The following SPOCK1 variants were observed in gnomAD, a reference collection of about 807,000 sequenced individuals.
SPOCK1 encodes testican-1.
A neutral mutation model predicts 55.3 loss-of-function variants in SPOCK1; 23 were observed. The ratio of observed to expected loss-of-function variants is 0.42; its 90% CI spans 0.30 to 0.59. SPOCK1 has a LOEUF of 0.59. Ranked by LOEUF, SPOCK1 falls within the 20% of genes least tolerant of loss-of-function variation. The probability of loss-of-function intolerance (pLI) is 0.22; values close to 1 mark genes in which losing one functional copy is unlikely to be tolerated. For synonymous variants in SPOCK1, 226 were observed against 221.0 expected (o/e 1.02, Z -0.20); for missense variants, 499 against 552.5 (o/e 0.90, Z 0.97).
chr5:137,474,133 G>A (rs756201296), intron 2 of SPOCK1, among the ~76,000 whole-genome samples: 11 of 151,964 alleles, frequency 7.2e-5, no homozygotes, highest in South Asian at 2.1e-4. Flanking sequence ...CTATGTATAC[G>A]GTGCAGCGTA....
At chr5:137,424,401 A>C (rs562500917) in intron 2 of SPOCK1, among the ~76,000 whole-genome samples, 1 of 152,170 alleles carries the variant, frequency 6.6e-6, no homozygotes, top group South Asian at 2.1e-4. Context: ...CAAAAATTCA[A>C]CTGACCATAT....
intron 3 of SPOCK1, among the ~76,000 whole-genome samples, chr5:137,182,265 A>C (rs1209071003): frequency 6.6e-6 from 1 of 152,166 alleles, no homozygotes; most frequent in African/African-American, 2.4e-5. Context: ...ATGAACTGCC[A>C]GTAGCTTCCC....
chr5:137,001,943 G>A (rs79239931), intron 6 of SPOCK1, among the ~76,000 whole-genome samples: 1 of 152,164 alleles, frequency 6.6e-6, no homozygotes, highest in Non-Finnish European at 1.5e-5. Flanking sequence ...TTTGAGCCAG[G>A]TTATGCCTGC....
At chr5:137,271,915 T>C (rs1756972306) in intron 2 of SPOCK1, among the ~76,000 whole-genome samples, 1 of 152,234 alleles carries the variant, frequency 6.6e-6, no homozygotes, top group South Asian at 2.1e-4. Flanking sequence ...ATCTGATGAT[T>C]ACCTGAGATA....
At chr5:137,438,287 G>C (rs1752906664) in intron 2 of SPOCK1, among the ~76,000 whole-genome samples, 1 of 152,012 alleles carries the variant, frequency 6.6e-6, no homozygotes, top group South Asian at 2.1e-4. Flanking sequence ...GGGAGTAGAT[G>C]AGTTCAAGAT....
chr5:137,471,908 CCTGAGGG>C (rs1287237824), intron 2 of SPOCK1, among the ~76,000 whole-genome samples: 1 of 152,118 alleles, frequency 6.6e-6, no homozygotes, highest in African/African-American at 2.4e-5. Flanking sequence ...GCCCATGGGA[CCTGAGGG>C]CATGGGAAAT....
In SPOCK1 at chr5:137,207,300, G is replaced by A. The variant is rs552625362; in HGVS notation, c.232+59710C>T. Among the ~76,000 whole-genome samples the A allele has an allele frequency of 3.9e-5, 6 of 152,360 alleles. No individual in the cohort carries two copies. The South Asian group carries it at 1.2e-3, about 32-fold the overall frequency. ...GGCCTGGAACAGGCCCACCAGCAGG[G>A]AGCCTTTTCAGTGGGGGGCTGTTCT... On this transcript the variant is annotated intron_variant, in intron 3 of 10. Coordinates refer to ENST00000394945, the MANE Select transcript of SPOCK1 (RefSeq NM_004598.4).
intron 2 of SPOCK1, among the ~76,000 whole-genome samples, chr5:137,274,989 AAATT>A (rs2127121686): frequency 6.6e-6 from 1 of 152,360 alleles, no homozygotes; most frequent in Admixed American, 6.5e-5. Flanking sequence ...AATTGTAAAC[AAATT>A]AATTAAAGTT....
chr5:137,039,695 C>T (rs1434834047), intron 6 of SPOCK1, among the ~76,000 whole-genome samples: 1 of 152,182 alleles, frequency 6.6e-6, no homozygotes, highest in Middle Eastern at 3.2e-3. Flanking sequence ...CATCAGAGCC[C>T]TGTGTATGAT....
intron 2 of SPOCK1, among the ~76,000 whole-genome samples, chr5:137,447,659 G>A (rs1753157274): frequency 6.6e-6 from 1 of 151,912 alleles, no homozygotes; most frequent in Non-Finnish European, 1.5e-5. Context: ...CTCTCCCAGG[G>A]GTCTGAGAGC....
intron 2 of SPOCK1, among the ~76,000 whole-genome samples, chr5:137,309,357 C>CAG (rs1757751468): frequency 6.6e-6 from 1 of 152,158 alleles, no homozygotes. Context: ...TGCCAGGCAC[C>CAG]TCCTCTGTGG....
At chr5:137,150,802 C>T (rs1253757751) in intron 3 of SPOCK1, among the ~76,000 whole-genome samples, 1 of 151,338 alleles carries the variant, frequency 6.6e-6, no homozygotes, top group African/African-American at 2.4e-5. Context: ...GTAGGGAAAG[C>T]CTACCCCAGA....
intron 2 of SPOCK1, among the ~76,000 whole-genome samples, chr5:137,447,890 C>T (rs1337777479): frequency 1.3e-5 from 2 of 152,160 alleles, no homozygotes; most frequent in Non-Finnish European, 2.9e-5. Flanking sequence ...GGGCTTGATG[C>T]CTGGCTTTCC....
Position 137,368,440 on chromosome 5 carries a change from C to G in SPOCK1, c.187-101385G>C, listed in dbSNP as rs1333369821. ...AAAGGTTTCCACAAGCAAGTGAGAC[C>G]TGGAGGCAGAATGGGAGCTAACTAG... On this transcript the variant is annotated intron_variant, in intron 2 of 10. Coordinates refer to ENST00000394945, the MANE Select transcript of SPOCK1 (RefSeq NM_004598.4). Among the ~76,000 whole-genome samples the G allele has an allele frequency of 2.0e-5, 3 of 152,092 alleles. 1 individual carries two copies. The highest frequency in any genetic ancestry group is 4.4e-5 in the Non-Finnish European group (3 of 68,012).
intron 5 of SPOCK1, among the ~76,000 whole-genome samples, chr5:137,088,910 G>C (rs756945375): frequency 1.3e-5 from 2 of 152,172 alleles, no homozygotes; most frequent in Non-Finnish European, 2.9e-5. Context: ...GAGCAAAAAG[G>C]TTAAGAAACA....
At chr5:137,368,403 T>C (rs755725423) in intron 2 of SPOCK1, among the ~76,000 whole-genome samples, 2 of 151,960 alleles carry the variant, frequency 1.3e-5, no homozygotes, top group Non-Finnish European at 2.9e-5. Context: ...GTGACCTGCT[T>C]TGGGGGTCTG....
At chr5:137,213,886 T>G (rs1312834336) in intron 3 of SPOCK1, among the ~76,000 whole-genome samples, 2 of 152,202 alleles carry the variant, frequency 1.3e-5, no homozygotes, top group African/African-American at 4.8e-5. Context: ...TTCATTGTAC[T>G]CTTGAAGCAA....
intron 2 of SPOCK1, among the ~76,000 whole-genome samples, chr5:137,464,044 A>G (rs1204944388): frequency 6.6e-6 from 1 of 152,236 alleles, no homozygotes; most frequent in East Asian, 1.9e-4. Flanking sequence ...CATGCCTGTA[A>G]TCCCAGCACT....
intron 7 of SPOCK1, among the ~76,000 whole-genome samples, chr5:136,989,302 G>C (rs563095307): frequency 1.1e-4 from 16 of 152,246 alleles, no homozygotes; most frequent in Non-Finnish European, 2.2e-4. Flanking sequence ...AGAATTATTT[G>C]TTTCCACAAT....
Sources: gnomAD v4.1 joint callset for allele counts (sites outside exome capture counted in the v4.1 genomes callset) on GRCh38, gnomAD v4.1.1 for gene constraint, MANE v1.5 for transcripts, NCBI Gene and HGNC (gene_info 2026-07-23, HGNC 2026-07-21) for gene names.